LGI2: variants seen among roughly 807,000 people sequenced by gnomAD.
LGI2 encodes the protein leucine-rich repeat LGI family member 2.
A neutral mutation model predicts 52.0 loss-of-function variants in LGI2; 30 were observed. The ratio of observed to expected loss-of-function variants is 0.58; its 90% CI spans 0.43 to 0.78. The LOEUF (loss-of-function observed/expected upper bound fraction) is 0.78, where lower values mean the gene tolerates loss of function less well. Among genes scored for constraint, LGI2 ranks in the 30% least tolerant of loss-of-function variants. LGI2 has a pLI of 0.00. For missense variants in LGI2, 573 were observed against 692.5 expected, an observed-to-expected ratio of 0.83 and a Z score of 1.94; for synonymous variants, 270 against 271.8, an observed-to-expected ratio of 0.99 and a Z score of 0.06.
intron 3 of LGI2, among the ~76,000 whole-genome samples, chr4:25,026,176 C>T (rs77401372): frequency 0.023 from 3,563 of 151,624 alleles, 155 homozygotes; most frequent in African/African-American, 0.081. Flanking sequence ...TTAAAAATCC[C>T]TCTGAATGCT....
At chr4:25,028,725 G>A (rs1726224777) in intron 1 of LGI2, 147 bp from the exon 2 acceptor site, 4 of 669,118 alleles carry the variant, frequency 6.0e-6, no homozygotes, top group Non-Finnish European at 1.1e-5. Flanking sequence ...ATCTTCCCCG[G>A]GGTAGGAATA....
chr4:24,994,126 G>A (rs1422185841), downstream of LGI2, among the ~76,000 whole-genome samples: 1 of 152,188 alleles, frequency 6.6e-6, no homozygotes, highest in Non-Finnish European at 1.5e-5. Context: ...CTAAAAGGGA[G>A]TGTGCAGAGA....
chr4:25,006,342 G>C (rs4697520), intron 7 of LGI2, among the ~76,000 whole-genome samples: 43,298 of 151,752 alleles, frequency 0.29, 6,519 homozygotes, highest in Middle Eastern at 0.43. Context: ...CCTCCATCTA[G>C]ATCACTCCAT....
At chr4:25,020,534 T>C (rs966173160) in intron 4 of LGI2, among the ~76,000 whole-genome samples, 4 of 152,226 alleles carry the variant, frequency 2.6e-5, no homozygotes, top group African/African-American at 9.6e-5. Context: ...CTTTTACACA[T>C]ATGAATGCAA....
At chr4:25,028,129 A>T (rs776317798) in intron 2 of LGI2, among the ~76,000 whole-genome samples, 5 of 152,358 alleles carry the variant, frequency 3.3e-5, no homozygotes, top group Non-Finnish European at 5.9e-5. Flanking sequence ...CAAACTAGAA[A>T]CACTCCTATT....
the LGI2 span, among the ~76,000 whole-genome samples, chr4:24,993,683 A>G: frequency 6.6e-6 from 1 of 151,964 alleles, no homozygotes; most frequent in South Asian, 2.1e-4. Context: ...GAACTCACTT[A>G]TTTTTCCTTT....
chr4:25,022,461 C>T (rs944614791), intron 4 of LGI2, among the ~76,000 whole-genome samples: 7 of 152,052 alleles, frequency 4.6e-5, no homozygotes, highest in African/African-American at 1.2e-4. Context: ...TAGGCTTGAC[C>T]GCGGGGTGGT....
chr4:25,003,831 C>A lies in LGI2; in HGVS notation c.1258G>T (p.Val420Leu). The change falls in exon 8 of 8, where the codon GTA becomes TTA. Residue 420 changes from valine (V) to leucine (L), a missense_variant. Val to Leu is a conservative substitution (Grantham distance 32, BLOSUM62 1). Transcript: ENST00000382114. ...ATTCGGAAGCTCTTCACAGCCAGTA[C>A]GTCCTCCATGTTGGGGATGTCACCA... ...PHGDIPNMED[V>L]LAVKSFRMQN... The A allele has an allele frequency of 6.2e-7, 1 of 1,614,188 alleles. No individual in the cohort carries two copies. Among genetic ancestry groups the A allele is most frequent in the Non-Finnish European group, 8.5e-7 (1 of 1,180,034 alleles).
rs1487042467 is a variant in LGI2, at chr4:24,999,347, T to A, written c.*4104A>T. On this transcript the variant is annotated 3_prime_UTR_variant, in exon 8 of 8. Coordinates refer to ENST00000382114, the MANE Select transcript of LGI2 (RefSeq NM_018176.4). The stretch of plus-strand genomic sequence containing the variant: ...CTGGCTGAGGCAAAAGAAATCATCA[T>A]CCTTTTTTCCTTTTCTTTCAGTTTG... The A allele has an allele frequency of 6.5e-6, 1 of 152,742 alleles. No individual in the cohort carries two copies. The highest frequency in any genetic ancestry group is 1.5e-5 in the Non-Finnish European group (1 of 68,490). The allele number at this position is 152,742 out of a possible 1,614,324, so 9.5% of individuals were successfully genotyped here. A position where few individuals can be genotyped will look rare whatever the true frequency, so the allele number is the denominator to read the frequency against.
chr4:25,005,206 C>T (rs1477653580), intron 7 of LGI2, among the ~76,000 whole-genome samples: 3 of 152,156 alleles, frequency 2.0e-5, no homozygotes, highest in African/African-American at 4.8e-5. Context: ...AGCGTTTGGA[C>T]GTTAGTTGTA....
intron 3 of LGI2, among the ~76,000 whole-genome samples, chr4:25,026,472 C>G (rs543362487): frequency 6.6e-6 from 1 of 152,202 alleles, no homozygotes; most frequent in South Asian, 2.1e-4. Flanking sequence ...GTTGTACCCC[C>G]CAAATAGGGA....
chr4:25,012,725 G>C lies in LGI2; in HGVS notation c.656-226C>G, dbSNP rs541045417. Among the ~76,000 whole-genome samples, 18 of 152,362 alleles carry C rather than the reference G, an allele frequency of 1.2e-4. 1 individual carries two copies. In the South Asian group the frequency reaches 3.7e-3, roughly 32 times the overall value. On this transcript the variant is annotated intron_variant, in intron 6 of 7. Transcript: ENST00000382114. ...GACAGAATGCACAGTTTCTAGTACA[G>C]CTTCCTGTGGAGAAACAGCTTCCCG...
chr4:25,030,091 A>AAC (rs35093206), intron 1 of LGI2, among the ~76,000 whole-genome samples: 84,822 of 150,898 alleles, frequency 0.56, 25,079 homozygotes, highest in Non-Finnish European at 0.66. Context: ...CCAACCCGCA[A>AAC]ACACACACAC....
intron 6 of LGI2, among the ~76,000 whole-genome samples, chr4:25,015,865 AT>A (rs1054804004): frequency 6.6e-6 from 1 of 151,954 alleles, no homozygotes; most frequent in African/African-American, 2.4e-5. Flanking sequence ...TTGTTGTACC[AT>A]TTTTTTCCCG....
At chr4:25,023,332 T>A (rs1726035948) in intron 4 of LGI2, among the ~76,000 whole-genome samples, 1 of 152,176 alleles carries the variant, frequency 6.6e-6, no homozygotes, top group Non-Finnish European at 1.5e-5. Flanking sequence ...CTACAGGAAT[T>A]TGGGGATTTG....
chr4:25,012,285 G>T, intron 7 of LGI2, 50 bp downstream of exon 7: 1 of 1,601,688 alleles, frequency 6.2e-7, no homozygotes, highest in Non-Finnish European at 8.5e-7. Flanking sequence ...CCGCGGGCTT[G>T]CCGCAATGCT....
chr4:25,030,555 T>C lies in LGI2; in HGVS notation c.139A>G (p.Ile47Val), dbSNP rs749497597. ...ACCCAGGAAGAGCCCACGCAGATGA[T>C]AGACTCCTTGGTACAGCTGCAAGTG... is the stretch of plus-strand genomic sequence containing the variant. ...PATCSCTKESIICVGSSWVPR... is the reference protein window; with the variant it reads ...PATCSCTKESVICVGSSWVPR... The change falls in exon 1 of 8, where the codon ATC becomes GTC. Residue 47 changes from isoleucine (I) to valine (V), a missense_variant. Physicochemically the swap from Ile to Val is conservative, Grantham distance 29 (BLOSUM62 3). Transcript: ENST00000382114. 27 of 1,594,816 alleles carry C rather than the reference T, an allele frequency of 1.7e-5. No homozygotes were observed. Among genetic ancestry groups the C allele is most frequent in the Admixed American group, 1.1e-4 (6 of 57,102 alleles).
chr4:24,992,557 TA>T, the LGI2 span, among the ~76,000 whole-genome samples: 26 of 145,652 alleles, frequency 1.8e-4, no homozygotes, highest in Non-Finnish European at 2.7e-4. Flanking sequence ...CTACTAAAAA[TA>T]AAAAAAAATA....
intron 5 of LGI2, among the ~76,000 whole-genome samples, 173 bp from the exon 6 acceptor site, chr4:25,018,331 T>C (rs906215983): frequency 1.2e-4 from 18 of 152,332 alleles, no homozygotes; most frequent in Middle Eastern, 3.4e-3. Flanking sequence ...GTATCTATCA[T>C]TGACTTTATT....
Sources: gnomAD v4.1 joint callset for allele counts (sites outside exome capture counted in the v4.1 genomes callset) on GRCh38, gnomAD v4.1.1 for gene constraint, MANE v1.5 for transcripts, NCBI Gene and HGNC (gene_info 2026-07-23, HGNC 2026-07-21) for gene names.